Variants in RBM19 observed in about 807,000 individuals in gnomAD.
RBM19 encodes probable RNA-binding protein 19.
Under a neutral mutation model 116.8 loss-of-function variants are expected in RBM19, and 94 were observed. The ratio of observed to expected loss-of-function variants is 0.80; its 90% CI spans 0.68 to 0.95. The LOEUF (loss-of-function observed/expected upper bound fraction) is 0.95, where lower values mean the gene tolerates loss of function less well. Ranked by LOEUF, RBM19 falls within the 40% of genes least tolerant of loss-of-function variation. The pLI is 0.00. For synonymous variants in RBM19, 475 were observed against 494.1 expected, an observed-to-expected ratio of 0.96 and a Z score of 0.51; for missense variants, 1,161 against 1,220.7, an observed-to-expected ratio of 0.95 and a Z score of 0.73.
chr12:113,926,992 G>GT (rs1326635373), intron 17 of RBM19, 62 bp downstream of exon 17: 12 of 1,521,352 alleles, frequency 7.9e-6, no homozygotes, highest in African/African-American at 1.4e-5. Flanking sequence ...TGCAGTGGCC[G>GT]TATCAGTAGA....
chr12:113,835,716 C>G (rs1875819282), intron 23 of RBM19, among the ~76,000 whole-genome samples: 1 of 152,222 alleles, frequency 6.6e-6, no homozygotes. Context: ...CGCCCCAGCC[C>G]AACCTGGCTT....
intron 21 of RBM19, among the ~76,000 whole-genome samples, chr12:113,911,936 C>T (rs1025580836): frequency 3.9e-5 from 6 of 152,220 alleles, no homozygotes; most frequent in East Asian, 1.9e-4. Context: ...ACAGAGAAGA[C>T]GAGAATCGCT....
In RBM19 at chr12:113,940,037, CCTCTGGCAGCAGCA is replaced by C; in HGVS notation, c.1847_1860del (p.Val616GlyfsTer72). 6.2e-7 allele frequency: 1 copy of C among 1,614,146 alleles called. No homozygotes were observed. Among genetic ancestry groups the C allele is most frequent in the Non-Finnish European group, 8.5e-7 (1 of 1,180,022 alleles). ...AACTCCACGATGGCAGTGATTCCGC[CCTCTGGCAGCAGCA>C]CGCGGCCCAGGCTGCCAAAATGGCC... On this transcript the variant is annotated frameshift_variant, in exon 15 of 24. Coordinates refer to ENST00000261741, the MANE Select transcript of RBM19 (RefSeq NM_016196.4). LOFTEE classifies it high-confidence loss of function.
At chr12:113,938,733 G>A (rs1870292735) in intron 15 of RBM19, among the ~76,000 whole-genome samples, 1 of 152,188 alleles carries the variant, frequency 6.6e-6, no homozygotes, top group Non-Finnish European at 1.5e-5. Flanking sequence ...AAACAGGGAG[G>A]AAGACTGAGA....
rs148696007 is a variant in RBM19, at chr12:113,942,681, C to T, written c.1627-247G>A. Among the ~76,000 whole-genome samples, 879 of 150,478 alleles carry T rather than the reference C, an allele frequency of 5.8e-3. 14 individuals are homozygous for T. The highest frequency in any genetic ancestry group is 0.02 in the African/African-American group (818 of 40,698). ...CTGGAGTGCAGTGGTGTGATCATGG[C>T]TCACTGCAGCCTCAATCTCCCAGAC... On this transcript the variant is annotated intron_variant, in intron 13 of 23. Transcript: ENST00000261741.
intron 18 of RBM19, among the ~76,000 whole-genome samples, chr12:113,921,074 C>T (rs933357328): frequency 2.6e-5 from 4 of 152,176 alleles, no homozygotes; most frequent in Non-Finnish European, 5.9e-5. Context: ...TGAATATGTG[C>T]GTGAGAGTCA....
chr12:113,953,372 C>A (rs1011540861), intron 7 of RBM19, among the ~76,000 whole-genome samples: 2 of 152,170 alleles, frequency 1.3e-5, no homozygotes, highest in African/African-American at 4.8e-5. Context: ...CCTGTAATCC[C>A]AGCTACCCGA....
At chr12:113,866,012 G>A (rs948312594) in intron 21 of RBM19, among the ~76,000 whole-genome samples, 1 of 152,190 alleles carries the variant, frequency 6.6e-6, no homozygotes, top group African/African-American at 2.4e-5. Context: ...GCACTGAGAT[G>A]TTTTCTCTCC....
chr12:113,858,217 G>A (rs190775873), intron 22 of RBM19, among the ~76,000 whole-genome samples: 9 of 152,352 alleles, frequency 5.9e-5, no homozygotes, highest in South Asian at 2.1e-4. Context: ...TGGAGATGCC[G>A]CCTTGCTTCA....
intron 22 of RBM19, 37 bp downstream of exon 22, chr12:113,858,754 A>G: frequency 6.3e-7 from 1 of 1,587,192 alleles, no homozygotes; most frequent in East Asian, 2.2e-5. Flanking sequence ...TGGAAAGGGG[A>G]GGCCTGGACA....
chr12:113,885,940 C>T (rs906938988), intron 21 of RBM19, among the ~76,000 whole-genome samples: 2 of 147,036 alleles, frequency 1.4e-5, no homozygotes, highest in African/African-American at 5.1e-5. Flanking sequence ...GCAATCTTGG[C>T]TCACTGCAAG....
intron 21 of RBM19, among the ~76,000 whole-genome samples, chr12:113,892,876 G>A (rs1881053321): frequency 6.6e-6 from 1 of 152,034 alleles, no homozygotes; most frequent in South Asian, 2.1e-4. Flanking sequence ...CAGGTAATTT[G>A]CCAAATGCAC....
intron 13 of RBM19, 54 bp downstream of exon 13, chr12:113,945,774 T>C (rs1593631186): frequency 1.4e-6 from 2 of 1,429,888 alleles, no homozygotes; most frequent in South Asian, 2.4e-5. Flanking sequence ...TCCTGCTCTT[T>C]CTCCCCTTCA....
At chr12:113,836,899 C>CAT in intron 23 of RBM19, among the ~76,000 whole-genome samples, 2 of 27,372 alleles carry the variant, frequency 7.3e-5, no homozygotes, top group African/African-American at 1.8e-4. Flanking sequence ...TTACTACATA[C>CAT]ACACCCCCCC....
chr12:113,932,711 T>C (rs962165203), intron 16 of RBM19: 2 of 151,702 alleles, frequency 1.3e-5, no homozygotes, highest in Non-Finnish European at 2.9e-5. Context: ...AAAAGAAAGA[T>C]GGGAAAGAAA....
Position 113,918,392 on chromosome 12 carries a change from T to A in RBM19, c.2441A>T (p.Lys814Met). The A allele has an allele frequency of 6.2e-7, 1 of 1,613,872 alleles. No individual in the cohort carries two copies. Among genetic ancestry groups the A allele is most frequent in the South Asian group, 1.1e-5 (1 of 91,046 alleles). The change falls in exon 20 of 24, where the codon AAG (lysine) becomes ATG (methionine). Residue 814 changes from lysine to methionine, a missense_variant and splice_region_variant. Transcript: ENST00000261741. The stretch of plus-strand genomic sequence containing the variant: ...GGAAATGAGGACACTGAAGACTCAC[T>A]TAGTGGCTCGTTCCGAGATCCTCAC... Reference protein sequence around the residue: ...LEVRISERATKPAVTLARKKQ... With the variant: ...LEVRISERATMPAVTLARKKQ...
chr12:113,933,396 G>A (rs917765571), intron 16 of RBM19, among the ~76,000 whole-genome samples: 2 of 152,146 alleles, frequency 1.3e-5, no homozygotes, highest in African/African-American at 4.8e-5. Context: ...CGCCAGGAGG[G>A]GCTGTGCATG....
intron 22 of RBM19, among the ~76,000 whole-genome samples, chr12:113,856,594 T>C (rs1221399160): frequency 6.6e-6 from 1 of 152,190 alleles, no homozygotes; most frequent in Non-Finnish European, 1.5e-5. Flanking sequence ...TGACAAGCCA[T>C]TCAGAACAGC....
chr12:113,868,130 G>C (rs7137189), intron 21 of RBM19, among the ~76,000 whole-genome samples: 3 of 152,018 alleles, frequency 2.0e-5, no homozygotes, highest in African/African-American at 7.2e-5. Flanking sequence ...TAACTCTGTG[G>C]GGCAGCTGTG....
Sources: allele counts gnomAD v4.1 joint callset (sites outside exome capture counted in the v4.1 genomes callset), GRCh38; gene constraint gnomAD v4.1.1; transcripts MANE v1.5; gene names NCBI Gene and HGNC (gene_info 2026-07-23, HGNC 2026-07-21).